PARG: variants seen among roughly 807,000 people sequenced by gnomAD.
The protein encoded by PARG is mitochondrial poly(ADP-ribose) glycohydrolase.
PARG carries 35 observed loss-of-function variants against 113.0 expected under a neutral mutation model. The observed-to-expected ratio is 0.31, with a 90% confidence interval of 0.24 to 0.41. PARG has a LOEUF of 0.41. PARG is among the 10% of genes least tolerant of loss of function. PARG has a pLI of 1.00. For synonymous variants in PARG, 330 were observed against 409.9 expected, an observed-to-expected ratio of 0.81 and a Z score of 2.36; for missense variants, 797 against 1,169.4, an observed-to-expected ratio of 0.68 and a Z score of 4.64.
intron 13 of PARG, among the ~76,000 whole-genome samples, chr10:49,847,110 T>C (rs1845548166): frequency 1.3e-5 from 2 of 151,004 alleles, no homozygotes; most frequent in East Asian, 3.9e-4. Context: ...TAATAAATAA[T>C]AAATATTAAT....
chr10:49,901,016 G>A (rs1179199558), intron 7 of PARG, among the ~76,000 whole-genome samples: 1 of 151,986 alleles, frequency 6.6e-6, no homozygotes, highest in Non-Finnish European at 1.5e-5. Flanking sequence ...ATACAGGTGA[G>A]CAATAACTTC....
intron 7 of PARG, among the ~76,000 whole-genome samples, chr10:49,899,994 C>T (rs1848278043): frequency 6.6e-6 from 1 of 151,960 alleles, no homozygotes; most frequent in Admixed American, 6.6e-5. Flanking sequence ...CTGCAGTTGT[C>T]CTTATATTAA....
intron 7 of PARG, among the ~76,000 whole-genome samples, chr10:49,912,617 T>A (rs1837260189): frequency 6.6e-6 from 1 of 151,732 alleles, no homozygotes; most frequent in Non-Finnish European, 1.5e-5. Context: ...GAGCCGAGAT[T>A]ACATCACTGC....
At chr10:49,937,943 C>A (rs1384945928) in intron 1 of PARG, among the ~76,000 whole-genome samples, 1 of 152,212 alleles carries the variant, frequency 6.6e-6, no homozygotes, top group Non-Finnish European at 1.5e-5. Flanking sequence ...TCCCAGCACA[C>A]CACAGGACTG....
intron 16 of PARG, among the ~76,000 whole-genome samples, chr10:49,821,781 C>A (rs1293965207): frequency 6.6e-6 from 1 of 151,874 alleles, no homozygotes; most frequent in Non-Finnish European, 1.5e-5. Flanking sequence ...TGGGAAGAAA[C>A]CTACAATTGA....
At chr10:49,843,759 G>A (rs1411864568) in intron 13 of PARG, 127 bp from the exon 14 acceptor site, 18 of 612,218 alleles carry the variant, frequency 2.9e-5, no homozygotes, top group East Asian at 2.3e-4. Flanking sequence ...GTGCAATAAG[G>A]CAAGAAAATA....
chr10:49,834,611 A>G (rs991506711), intron 15 of PARG, among the ~76,000 whole-genome samples: 1 of 152,192 alleles, frequency 6.6e-6, no homozygotes, highest in Non-Finnish European at 1.5e-5. Context: ...TTTAGATCAA[A>G]TCTTTAAAAG....
intron 7 of PARG, among the ~76,000 whole-genome samples, chr10:49,903,106 T>C (rs1242311599): frequency 3.3e-5 from 5 of 151,714 alleles, no homozygotes; most frequent in Admixed American, 3.3e-4. Flanking sequence ...ATTACAGGCA[T>C]GAGAGCCACC....
Position 49,934,100 on chromosome 10 carries a change from A to C in PARG, c.348T>G (p.Asp116Glu). The C allele has an allele frequency of 1.5e-6, 2 of 1,353,920 alleles. No individual in the cohort carries two copies. The highest frequency in any genetic ancestry group is 2.1e-6 in the Non-Finnish European group (2 of 942,254). The allele number at this position is 1,353,920 out of a possible 1,614,324, so 83.9% of individuals were successfully genotyped here. ...IESMMSSVQKDNFYQHNVEKL... is the reference protein window; with the variant it reads ...IESMMSSVQKENFYQHNVEKL... Reference sequence around the variant, plus strand: ...TTTCTACATTATGTTGGTAAAAGTTATCTTTTTGTACAGAACTCATCATGG... The same window carrying C: ...TTTCTACATTATGTTGGTAAAAGTTCTCTTTTTGTACAGAACTCATCATGG... The change falls in exon 3 of 18, where the codon GAT becomes GAG. Residue 116 changes from aspartate (D) to glutamate (E), a missense_variant. Asp to Glu is a conservative substitution (Grantham distance 45). Transcript: ENST00000616448.
chr10:49,929,288 T>C (rs1554851443), intron 4 of PARG, among the ~76,000 whole-genome samples: 2 of 151,180 alleles, frequency 1.3e-5, no homozygotes, highest in African/African-American at 4.9e-5. Flanking sequence ...ATCATCTCAG[T>C]AATCCAGACT....
At chr10:49,847,061 AT>A (rs1462275126) in intron 13 of PARG, among the ~76,000 whole-genome samples, 4 of 151,454 alleles carry the variant, frequency 2.6e-5, no homozygotes, top group Non-Finnish European at 5.9e-5. Flanking sequence ...AATCCACTGA[AT>A]ACAATAAGAA....
chr10:49,828,092 CAAAAAAAAAAAAA>C (rs71026274), intron 16 of PARG, among the ~76,000 whole-genome samples: 21 of 50,412 alleles, frequency 4.2e-4, no homozygotes, highest in East Asian at 1.4e-3. Flanking sequence ...AAAGCTTAAA[CAAAAAAAAAAAAA>C]AAAAAAAAAA....
chr10:49,852,066 C>T (rs1845783900), intron 13 of PARG, among the ~76,000 whole-genome samples: 1 of 152,144 alleles, frequency 6.6e-6, no homozygotes, highest in African/African-American at 2.4e-5. Flanking sequence ...CAGCCATTAG[C>T]TCACTGAGCT....
chr10:49,893,432 A>G (rs748440778), intron 7 of PARG, among the ~76,000 whole-genome samples: 12 of 151,982 alleles, frequency 7.9e-5, no homozygotes, highest in African/African-American at 1.2e-4. Flanking sequence ...TTATTTTTCA[A>G]TTGTAGTTCT....
intron 16 of PARG, among the ~76,000 whole-genome samples, chr10:49,830,999 C>T (rs1051876233): frequency 2.0e-5 from 3 of 152,048 alleles, no homozygotes; most frequent in Non-Finnish European, 4.4e-5. Context: ...TACTGTGTAG[C>T]CACTAACAAA....
intron 13 of PARG, among the ~76,000 whole-genome samples, chr10:49,844,733 G>A (rs533922871): frequency 1.3e-4 from 19 of 150,948 alleles, no homozygotes; most frequent in African/African-American, 4.6e-4. Flanking sequence ...CTGGGTGACA[G>A]AGCAAGACTC....
intron 8 of PARG, among the ~76,000 whole-genome samples, chr10:49,881,938 AG>A (rs1554839545): frequency 3.3e-5 from 5 of 152,300 alleles, no homozygotes; most frequent in African/African-American, 1.2e-4. Context: ...AGTTTAGAAA[AG>A]GTGACAGTGC....
At chr10:49,901,283 A>T (rs1344769834) in intron 7 of PARG, among the ~76,000 whole-genome samples, 20 of 151,658 alleles carry the variant, frequency 1.3e-4, no homozygotes, top group Non-Finnish European at 2.2e-4. Context: ...GCTAATTTTT[A>T]AAAAAATTTT....
Position 49,902,416 on chromosome 10 carries a change from T to A in PARG, c.1737+13501A>T, listed in dbSNP as rs192255564. On this transcript the variant is annotated intron_variant, in intron 7 of 17. Coordinates refer to ENST00000616448, the MANE Select transcript of PARG (RefSeq NM_003631.5). ...AAACATTAAGAAGTCAGGTTCAATC[T>A]ATCATCTAGGGCATTCATCCCCCTT... Among the ~76,000 whole-genome samples, 16 of 152,314 alleles carry A rather than the reference T, an allele frequency of 1.1e-4. No individual in the cohort carries two copies. The East Asian group carries it at 2.9e-3, about 28-fold the overall frequency.
Sources: gnomAD v4.1 joint callset for allele counts (sites outside exome capture counted in the v4.1 genomes callset) on GRCh38, gnomAD v4.1.1 for gene constraint, MANE v1.5 for transcripts, NCBI Gene and HGNC (gene_info 2026-07-23, HGNC 2026-07-21) for gene names.